The following ESRRG variants were observed in gnomAD, a reference collection of about 807,000 sequenced individuals.
The protein encoded by ESRRG is estrogen-related receptor gamma.
In ESRRG, 13 loss-of-function variants were observed where a neutral mutation model predicts 44.0. The observed-to-expected ratio is 0.30, with a 90% CI of 0.19 to 0.47. The LOEUF (loss-of-function observed/expected upper bound fraction) is 0.47. Among genes scored for constraint, ESRRG ranks in the 20% least tolerant of loss-of-function variants. ESRRG has a pLI of 1.00. For missense variants in ESRRG, 395 were observed against 580.6 expected (o/e 0.68, Z 3.29); for synonymous variants, 215 against 214.6 (o/e 1.00, Z -0.02).
At chr1:217,018,679 T>C (rs11117750) in intron 1 of ESRRG, among the ~76,000 whole-genome samples, 35,648 of 152,048 alleles carry the variant, frequency 0.23, 4,602 homozygotes, top group Middle Eastern at 0.41. Flanking sequence ...CACCATCCCT[T>C]CTGCTATGAC....
At position 216,553,541 on chromosome 1, in the gene ESRRG, A is replaced by G. The variant is rs75392423; in HGVS notation, c.862+10678T>C. Among the ~76,000 whole-genome samples the G allele has an allele frequency of 1.7e-3, 266 of 152,296 alleles. 1 individual carries two copies. The highest frequency in any genetic ancestry group is 0.012 in the Admixed American group (190 of 15,298). Reference sequence around the variant, plus strand: ...ATGCCCATTCTGGCAATGAAAATATAATTTCCTCATTGGAAGCAAAGTTAT... The same window carrying G: ...ATGCCCATTCTGGCAATGAAAATATGATTTCCTCATTGGAAGCAAAGTTAT... On this transcript the variant is annotated intron_variant, in intron 5 of 6. Transcript: ENST00000408911.
intron 2 of ESRRG, among the ~76,000 whole-genome samples, chr1:216,774,231 G>A (rs1221462629): frequency 2.0e-5 from 3 of 152,034 alleles, no homozygotes; most frequent in African/African-American, 7.2e-5. Flanking sequence ...AGCTCTCCCT[G>A]CCTCCTTACC....
chr1:217,037,788 C>G (rs1036657002), intron 1 of ESRRG, among the ~76,000 whole-genome samples: 1 of 152,186 alleles, frequency 6.6e-6, no homozygotes, highest in African/African-American at 2.4e-5. Flanking sequence ...AAATTAGTTA[C>G]TTCCTAGATA....
At chr1:216,936,696 G>A (rs1334985817) in intron 2 of ESRRG, 2 of 150,894 alleles carry the variant, frequency 1.3e-5, no homozygotes, top group Admixed American at 1.3e-4. Context: ...TTTCTCTCAC[G>A]GACCTTGAGG....
intron 2 of ESRRG, among the ~76,000 whole-genome samples, chr1:216,913,492 TTA>T (rs1447757764): frequency 5.9e-5 from 9 of 152,204 alleles, no homozygotes; most frequent in African/African-American, 2.2e-4. Context: ...GTAGAAAACA[TTA>T]TGTTTAATAT....
chr1:216,603,119 G>T (rs1052824544), intron 3 of ESRRG, among the ~76,000 whole-genome samples: 1 of 151,956 alleles, frequency 6.6e-6, no homozygotes, highest in African/African-American at 2.4e-5. Context: ...TTTTATATTT[G>T]ATATTACAAA....
intron 1 of ESRRG, among the ~76,000 whole-genome samples, chr1:216,696,264 T>C (rs2080138171): frequency 6.6e-6 from 1 of 152,288 alleles, no homozygotes; most frequent in Non-Finnish European, 1.5e-5. Context: ...TCTGTTGAAA[T>C]CCTTCACTCT....
chr1:217,102,485 G>T (rs2092531270), intron 1 of ESRRG, among the ~76,000 whole-genome samples: 1 of 152,192 alleles, frequency 6.6e-6, no homozygotes, highest in African/African-American at 2.4e-5. Context: ...TAGTGTATGA[G>T]TTGCCACTTC....
upstream of ESRRG, among the ~76,000 whole-genome samples, chr1:217,093,343 A>G (rs912650756): frequency 6.6e-6 from 1 of 152,152 alleles, no homozygotes; most frequent in African/African-American, 2.4e-5. Flanking sequence ...GAGAAAAAGC[A>G]AGAACACTCA....
At chr1:216,598,643 T>C (rs985622719) in intron 3 of ESRRG, among the ~76,000 whole-genome samples, 3 of 152,138 alleles carry the variant, frequency 2.0e-5, no homozygotes, top group Non-Finnish European at 2.9e-5. Context: ...ACCATCCTAA[T>C]CACTTAAAGT....
intron 3 of ESRRG, among the ~76,000 whole-genome samples, chr1:216,622,648 A>T (rs2150503983): frequency 6.9e-6 from 1 of 144,808 alleles, no homozygotes; most frequent in South Asian, 2.2e-4. Context: ...TTCCCATAAG[A>T]TAGTGCATCT....
At chr1:217,125,784 T>C (rs939839309) in intron 1 of ESRRG, among the ~76,000 whole-genome samples, 1 of 152,190 alleles carries the variant, frequency 6.6e-6, no homozygotes, top group Non-Finnish European at 1.5e-5. Flanking sequence ...TATTATCATA[T>C]GTGGTCAGAC....
chr1:217,128,611 G>A (rs1056479489), intron 1 of ESRRG, among the ~76,000 whole-genome samples: 4 of 152,078 alleles, frequency 2.6e-5, no homozygotes, highest in Non-Finnish European at 1.5e-5. Flanking sequence ...AATAACTACT[G>A]TCATCCTGAG....
intron 2 of ESRRG, among the ~76,000 whole-genome samples, chr1:216,669,020 C>T (rs746171785): frequency 5.3e-5 from 8 of 152,050 alleles, no homozygotes; most frequent in Non-Finnish European, 1.0e-4. Context: ...ACCCAAACTA[C>T]GACCAACAGG....
At chr1:217,134,819 C>T (rs1052141794) in intron 1 of ESRRG, among the ~76,000 whole-genome samples, 3 of 152,368 alleles carry the variant, frequency 2.0e-5, no homozygotes, top group Admixed American at 1.3e-4. Flanking sequence ...GTCTGCGGCT[C>T]TGGCATTTAG....
At chr1:216,888,754 A>G (rs2057384376) in intron 2 of ESRRG, among the ~76,000 whole-genome samples, 1 of 152,128 alleles carries the variant, frequency 6.6e-6, no homozygotes, top group African/African-American at 2.4e-5. Context: ...AAATCCAGAA[A>G]TAGAGCCCCG....
chr1:216,789,622 T>C lies in ESRRG; in HGVS notation c.-13-112131A>G, dbSNP rs1327598500. 2.0e-5 allele frequency among the ~76,000 whole-genome samples: 3 copies of C among 152,162 alleles called. 1 individual carries two copies. Among genetic ancestry groups the C allele is most frequent in the South Asian group, 4.1e-4 (2 of 4,834 alleles). Reference sequence around the variant, plus strand: ...TAGCACTATCTCCGAGGTATGCCTGTAACTGATTAGATTTTGGAATCTAAT... The same window carrying C: ...TAGCACTATCTCCGAGGTATGCCTGCAACTGATTAGATTTTGGAATCTAAT... On this transcript the variant is annotated intron_variant, in intron 2 of 7. Coordinates refer to the ESRRG transcript ENST00000359162.
At chr1:217,113,304 A>G (rs899944978) in intron 1 of ESRRG, among the ~76,000 whole-genome samples, 1 of 152,170 alleles carries the variant, frequency 6.6e-6, no homozygotes, top group African/African-American at 2.4e-5. Context: ...GGAACTGGCA[A>G]CATGTGACTG....
chr1:216,608,930 C>T (rs2060268783), intron 3 of ESRRG, among the ~76,000 whole-genome samples: 2 of 152,172 alleles, frequency 1.3e-5, no homozygotes, highest in Non-Finnish European at 2.9e-5. Context: ...GAAAGATGTA[C>T]AAATAAATGA....
Sources: allele counts gnomAD v4.1 joint callset (sites outside exome capture counted in the v4.1 genomes callset), GRCh38; gene constraint gnomAD v4.1.1; transcripts MANE v1.5; gene names NCBI Gene and HGNC (gene_info 2026-07-23, HGNC 2026-07-21).